NCK2: variants seen among roughly 807,000 people sequenced by gnomAD.
NCK2 encodes cytoplasmic protein NCK2.
NCK2 carries 16 observed loss-of-function variants against 33.9 expected under a neutral mutation model. The observed-to-expected ratio is 0.47, with a 90% CI of 0.32 to 0.72. The LOEUF (loss-of-function observed/expected upper bound fraction) is 0.72, where lower values mean the gene tolerates loss of function less well. NCK2 is among the 30% of genes least tolerant of loss of function. The probability of loss-of-function intolerance (pLI) is 0.03; values close to 1 mark genes in which losing one functional copy is unlikely to be tolerated. For missense variants in NCK2, 418 were observed against 537.3 expected, an observed-to-expected ratio of 0.78 and a Z score of 2.19; for synonymous variants, 273 against 239.9, an observed-to-expected ratio of 1.14 and a Z score of -1.27.
At chr2:105,819,244 C>CA (rs1169707470) in intron 2 of NCK2, among the ~76,000 whole-genome samples, 1 of 151,448 alleles carries the variant, frequency 6.6e-6, no homozygotes. Context: ...AGACAGACAC[C>CA]ATCGGGGTGT....
chr2:105,781,404 G>A (rs60227000), intron 1 of NCK2, among the ~76,000 whole-genome samples: 27 of 152,272 alleles, frequency 1.8e-4, no homozygotes, highest in African/African-American at 6.5e-4. Flanking sequence ...TTGACTAAAT[G>A]CAATCTCCCT....
intron 2 of NCK2, among the ~76,000 whole-genome samples, chr2:105,828,918 C>T (rs1676060285): frequency 6.6e-6 from 1 of 152,188 alleles, no homozygotes. Context: ...CTGAGGCTTC[C>T]ACCTTTCCCA....
intron 1 of NCK2, among the ~76,000 whole-genome samples, chr2:105,798,785 TAC>T (rs1691172544): frequency 6.6e-6 from 1 of 152,206 alleles, no homozygotes; most frequent in African/African-American, 2.4e-5. Context: ...CATAGATAAA[TAC>T]ATTTAGGGAA....
chr2:105,780,323 T>TACACACAC (rs1474176606), intron 1 of NCK2, among the ~76,000 whole-genome samples: 1 of 102,696 alleles, frequency 9.7e-6, no homozygotes, highest in Non-Finnish European at 1.7e-5. Flanking sequence ...GAGAGAGATA[T>TACACACAC]ATACACACAC....
chr2:105,814,300 C>T (rs1038304045), intron 1 of NCK2, among the ~76,000 whole-genome samples: 3 of 152,220 alleles, frequency 2.0e-5, no homozygotes, highest in African/African-American at 7.2e-5. Context: ...ATGCTTTTCT[C>T]AAGGAAAACA....
At chr2:105,780,898 A>G (rs985709423) in intron 1 of NCK2, among the ~76,000 whole-genome samples, 1 of 152,198 alleles carries the variant, frequency 6.6e-6, no homozygotes, top group Non-Finnish European at 1.5e-5. Flanking sequence ...ACTGTGGGAA[A>G]TAACTTCCTT....
intron 3 of NCK2, among the ~76,000 whole-genome samples, chr2:105,864,838 CA>C (rs1197953245): frequency 2.6e-5 from 1 of 38,478 alleles, no homozygotes; most frequent in Non-Finnish European, 1.2e-4. Flanking sequence ...TACACACACA[CA>C]CACACACACA....
chr2:105,826,109 A>G (rs1675930336), intron 2 of NCK2, among the ~76,000 whole-genome samples: 1 of 152,204 alleles, frequency 6.6e-6, no homozygotes, highest in African/African-American at 2.4e-5. Flanking sequence ...GATTTAATTT[A>G]CTCACAGTTC....
intron 1 of NCK2, among the ~76,000 whole-genome samples, chr2:105,807,940 T>C (rs1395953442): frequency 6.6e-6 from 1 of 150,766 alleles, no homozygotes; most frequent in African/African-American, 2.4e-5. Context: ...AGTCTCCCTC[T>C]GTTGCCAGGC....
intron 2 of NCK2, among the ~76,000 whole-genome samples, chr2:105,852,093 A>C (rs1677090518): frequency 6.6e-6 from 1 of 151,324 alleles, no homozygotes; most frequent in African/African-American, 2.4e-5. Context: ...CAGACCACGC[A>C]TCGGACGGTT....
intron 4 of NCK2, among the ~76,000 whole-genome samples, chr2:105,885,424 C>T (rs1678685878): frequency 6.6e-6 from 1 of 151,962 alleles, no homozygotes; most frequent in African/African-American, 2.4e-5. Context: ...TAGAATAGCT[C>T]CTTTCTGTAT....
chr2:105,745,591 C>G (rs1298814882), intron 1 of NCK2: 3 of 152,438 alleles, frequency 2.0e-5, no homozygotes, highest in Admixed American at 2.0e-4. Context: ...GAAGAATAGC[C>G]GCGGATCGCA....
intron 1 of NCK2, among the ~76,000 whole-genome samples, chr2:105,767,352 C>G (rs1035729431): frequency 2.0e-5 from 3 of 152,232 alleles, no homozygotes; most frequent in African/African-American, 7.2e-5. Flanking sequence ...TGGACCCTCC[C>G]TATTCCCTTG....
chr2:105,890,927 T>C (rs1678945541), intron 4 of NCK2, among the ~76,000 whole-genome samples: 1 of 152,260 alleles, frequency 6.6e-6, no homozygotes, highest in African/African-American at 2.4e-5. Flanking sequence ...GCTGAGCTGC[T>C]GGACCCTCAG....
At chr2:105,883,117 A>G (rs17663742) in intron 4 of NCK2, among the ~76,000 whole-genome samples, 4,118 of 152,240 alleles carry the variant, frequency 0.027, 89 homozygotes, top group Middle Eastern at 0.054. Flanking sequence ...GGTGTCATCA[A>G]TTTTGCGGAG....
At chr2:105,758,908 T>G (rs556963650) in intron 1 of NCK2, among the ~76,000 whole-genome samples, 33 of 152,306 alleles carry the variant, frequency 2.2e-4, no homozygotes, top group African/African-American at 7.5e-4. Context: ...AATGCTAGCA[T>G]TCAAAACTAG....
At chr2:105,803,424 T>G (rs989597227) in intron 1 of NCK2, among the ~76,000 whole-genome samples, 1 of 152,242 alleles carries the variant, frequency 6.6e-6, no homozygotes, top group African/African-American at 2.4e-5. Flanking sequence ...GCCTTATGTA[T>G]GTACAGCATT....
chr2:105,847,840 A>G (rs1676911197), intron 2 of NCK2, among the ~76,000 whole-genome samples: 1 of 152,196 alleles, frequency 6.6e-6, no homozygotes. Flanking sequence ...GTTGCATCAA[A>G]GCTTTTCTAG....
intron 1 of NCK2, among the ~76,000 whole-genome samples, chr2:105,784,934 GT>G (rs1181951611): frequency 6.6e-6 from 1 of 152,186 alleles, no homozygotes; most frequent in African/African-American, 2.4e-5. Context: ...GCAGGTAGTT[GT>G]TTTTTATGTG....
Sources: allele counts gnomAD v4.1 joint callset (sites outside exome capture counted in the v4.1 genomes callset), GRCh38; gene constraint gnomAD v4.1.1; transcripts MANE v1.5; gene names NCBI Gene and HGNC (gene_info 2026-07-23, HGNC 2026-07-21).